Variants in MTOR observed in about 807,000 individuals in gnomAD.
MTOR encodes the protein serine/threonine-protein kinase mTOR.
MTOR carries 70 observed loss-of-function variants against 319.8 expected under a neutral mutation model. The observed-to-expected ratio is 0.22, with a 90% CI of 0.18 to 0.27. MTOR has a LOEUF of 0.27. Among genes scored for constraint, MTOR ranks in the 10% least tolerant of loss-of-function variants. The probability of loss-of-function intolerance (pLI) is 1.00; values close to 1 mark genes in which losing one functional copy is unlikely to be tolerated. For synonymous variants in MTOR, 1,183 were observed against 1,211.4 expected (o/e 0.98, Z 0.49); for missense variants, 1,890 against 3,274.4 (o/e 0.58, Z 10.32).
rs2100415171 is a variant in MTOR, at chr1:11,128,160, A to T, written c.5911-34T>A. On this transcript the variant is annotated intron_variant, in intron 42 of 57. Transcript: ENST00000361445. The surrounding 1 kb of genome is among the most constrained non-coding windows in gnomAD (Gnocchi z 5.3). ...AAAACAGAAGAAACATCTATAAAGGAAATGTGGGTTGGGGAAGAGCTGGTA... is the reference window on the plus strand; with the variant it reads ...AAAACAGAAGAAACATCTATAAAGGTAATGTGGGTTGGGGAAGAGCTGGTA... The T allele has an allele frequency of 6.2e-7, 1 of 1,611,926 alleles. No individual in the cohort carries two copies.
chr1:11,234,103 C>A, intron 14 of MTOR, 40 bp downstream of exon 14: 4 of 1,613,688 alleles, frequency 2.5e-6, no homozygotes, highest in Non-Finnish European at 3.4e-6. Context: ...GAGCTGATGA[C>A]AACGCACAGA....
intron 25 of MTOR, among the ~76,000 whole-genome samples, chr1:11,205,627 A>T (rs1417631104): frequency 6.6e-6 from 1 of 152,136 alleles, no homozygotes; most frequent in African/African-American, 2.4e-5. Flanking sequence ...AATTACTTGT[A>T]TTTTGCAGCT....
chr1:11,139,941 T>C (rs1557766371), intron 34 of MTOR, among the ~76,000 whole-genome samples: 1 of 152,156 alleles, frequency 6.6e-6, no homozygotes, highest in African/African-American at 2.4e-5. Context: ...CCAACCGTCT[T>C]GGCCTCCCAA....
intron 28 of MTOR, among the ~76,000 whole-genome samples, chr1:11,185,187 T>C (rs1645274814): frequency 1.3e-5 from 2 of 152,002 alleles, no homozygotes; most frequent in South Asian, 2.1e-4. Context: ...GAATAATCGC[T>C]GGATTGTGCA....
chr1:11,107,325 T>C lies in MTOR; in HGVS notation c.*160A>G, dbSNP rs866665669. The C allele has an allele frequency of 4.7e-6, 7 of 1,505,078 alleles. No homozygotes were observed. The South Asian group carries it at 8.2e-5, about 18-fold the overall frequency. 93.2% of individuals were successfully genotyped at this position (1,505,078 alleles called of 1,614,324 possible). ...ATATTCTTCAACAGCAGCTAGAAAG[T>C]TGGTTCAAACCAACTTTTAATATAC... On this transcript the variant is annotated 3_prime_UTR_variant, in exon 58 of 58. Coordinates refer to ENST00000361445, the MANE Select transcript of MTOR (RefSeq NM_004958.4).
In MTOR at chr1:11,119,342, G is replaced by A. The variant is rs533259877; in HGVS notation, c.6933+1904C>T. 3.4e-4 allele frequency among the ~76,000 whole-genome samples: 51 copies of A among 151,882 alleles called. No individual in the cohort carries two copies. The South Asian group carries it at 7.7e-3, about 23-fold the overall frequency. On this transcript the variant is annotated intron_variant, in intron 49 of 57. Coordinates refer to ENST00000361445, the MANE Select transcript of MTOR (RefSeq NM_004958.4). ...AGCACTTTGAGAGGCTGAGGCGGGC[G>A]GATCATGAGGTCAGGAGATTGAGAC... is the stretch of plus-strand genomic sequence containing the variant.
intron 30 of MTOR, among the ~76,000 whole-genome samples, chr1:11,151,794 C>T (rs1192577895): frequency 6.6e-6 from 1 of 152,216 alleles, no homozygotes; most frequent in East Asian, 1.9e-4. Flanking sequence ...AAATTTACAG[C>T]TGGTGAACAC....
intron 54 of MTOR, among the ~76,000 whole-genome samples, chr1:11,112,274 T>C (rs1182083011): frequency 2.6e-5 from 4 of 152,190 alleles, no homozygotes; most frequent in African/African-American, 7.2e-5. Context: ...GGTAATACTG[T>C]TAATAATTAT....
At chr1:11,242,070 G>A (rs544369604) in intron 9 of MTOR, among the ~76,000 whole-genome samples, 1 of 151,972 alleles carries the variant, frequency 6.6e-6, no homozygotes, top group East Asian at 1.9e-4. Context: ...AGAATGCTGG[G>A]CTTTAGAATG....
chr1:11,203,372 T>C (rs1646041820), intron 26 of MTOR, among the ~76,000 whole-genome samples: 1 of 152,186 alleles, frequency 6.6e-6, no homozygotes. Flanking sequence ...TATGTACATC[T>C]ATTATGTATC....
chr1:11,240,393 C>G lies in MTOR; in HGVS notation c.1696G>C (p.Ala566Pro). 6.2e-7 allele frequency: 1 copy of G among 1,614,224 alleles called. No homozygotes were observed. The change falls in exon 11 of 58, where the codon GCC becomes CCC. Residue 566 changes from alanine to proline, a missense_variant. Physicochemically the swap from Ala to Pro is conservative, Grantham distance 27. This residue lies in a region of MTOR where 418 missense variants were observed against 543.1 expected (regional missense o/e 0.77). Coordinates refer to ENST00000361445, the MANE Select transcript of MTOR (RefSeq NM_004958.4). Reference sequence around the variant, plus strand: ...GGGAGGGTCGTGAGGCCAGGAGAGGCCAGCTGATGGGCCAGGCCCTTGGGC... The same window carrying G: ...GGGAGGGTCGTGAGGCCAGGAGAGGGCAGCTGATGGGCCAGGCCCTTGGGC... ...GMPKGLAHQL[A>P]SPGLTTLPEA...
chr1:11,136,005 G>A (rs1404207840), intron 36 of MTOR, among the ~76,000 whole-genome samples: 1 of 151,686 alleles, frequency 6.6e-6, no homozygotes, highest in Non-Finnish European at 1.5e-5. Flanking sequence ...CGTGGTGGTG[G>A]CTGCCTGTAA....
At chr1:11,221,537 T>C (rs1026053792) in intron 19 of MTOR, among the ~76,000 whole-genome samples, 3 of 151,650 alleles carry the variant, frequency 2.0e-5, no homozygotes, top group Admixed American at 6.6e-5. Flanking sequence ...GAAATGGCTA[T>C]GCCCAGGTTT....
Position 11,130,654 on chromosome 1 carries a change from T to C in MTOR, c.5488A>G (p.Thr1830Ala). The C allele has an allele frequency of 6.2e-7, 1 of 1,613,032 alleles. No individual in the cohort carries two copies. Among genetic ancestry groups the C allele is most frequent in the Non-Finnish European group, 8.5e-7 (1 of 1,179,440 alleles). Residue 1830 changes from threonine to alanine, a missense_variant, in exon 39 of 58, where the codon ACT becomes GCT. Around this residue, in one of 15 missense-constraint regions of MTOR, gnomAD observed 91 missense variants for 90.4 expected, o/e 1.01. Coordinates refer to ENST00000361445, the MANE Select transcript of MTOR (RefSeq NM_004958.4). The part of the protein sequence containing the change: ...ASGANITNAT[T>A]AATTAATATT... ...GCAGTGGCGGCCGTGGTGGCGGCAG[T>C]GGTGGCGTTGGTGATGTTGGCCCCG...
intron 52 of MTOR, 148 bp from the exon 53 acceptor site, chr1:11,114,601 C>A: frequency 8.2e-7 from 1 of 1,224,772 alleles, no homozygotes. Flanking sequence ...GGAATCAGGG[C>A]AGGACTGTGA....
At chr1:11,247,078 A>T (rs1648941561) in intron 8 of MTOR, among the ~76,000 whole-genome samples, 1 of 152,182 alleles carries the variant, frequency 6.6e-6, no homozygotes, top group Non-Finnish European at 1.5e-5. Context: ...GGTGGGGTTC[A>T]TCTCAGGTCT....
At chr1:11,163,526 G>T (rs2100593306) in intron 29 of MTOR, among the ~76,000 whole-genome samples, 1 of 152,218 alleles carries the variant, frequency 6.6e-6, no homozygotes, top group East Asian at 1.9e-4. Flanking sequence ...TGACCACATA[G>T]TTGGAAGTAA....
chr1:11,200,210 G>A (rs1265752856), intron 26 of MTOR, among the ~76,000 whole-genome samples: 1 of 152,086 alleles, frequency 6.6e-6, no homozygotes, highest in Non-Finnish European at 1.5e-5. Context: ...GATGTTTCTG[G>A]GACAATGTCT....
Position 11,114,804 on chromosome 1 carries a change from T to C in MTOR, c.7164+9A>G, listed in dbSNP as rs1642078226. ...ATTTGGAAGCAGCTCGTTCCCGATA[T>C]CCACTCACCTCCATAGCATTGGTCA... On this transcript the variant is annotated intron_variant, in intron 52 of 57. Coordinates refer to ENST00000361445, the MANE Select transcript of MTOR (RefSeq NM_004958.4). 8.7e-6 allele frequency: 14 copies of C among 1,613,654 alleles called. No homozygotes were observed. The highest frequency in any genetic ancestry group is 1.2e-5 in the Non-Finnish European group (14 of 1,179,666).
Sources: gnomAD v4.1 joint callset for allele counts (sites outside exome capture counted in the v4.1 genomes callset) on GRCh38, gnomAD v4.1.1 for gene constraint, gnomAD v4.1.1 regional missense constraint, Gnocchi (gnomAD v3.1) non-coding constraint, MANE v1.5 for transcripts, NCBI Gene and HGNC (gene_info 2026-07-23, HGNC 2026-07-21) for gene names.